Variants in SPAG16 observed in about 807,000 individuals in gnomAD.
The protein encoded by SPAG16 is sperm associated antigen 16.
SPAG16 carries 86 observed loss-of-function variants against 80.4 expected under a neutral mutation model. The observed-to-expected ratio is 1.07, with a 90% CI of 0.90 to 1.28. The LOEUF (loss-of-function observed/expected upper bound fraction) is 1.28, where lower values mean the gene tolerates loss of function less well. Ranked by LOEUF, SPAG16 falls within the 50% of genes most tolerant of loss-of-function variation. SPAG16 has a pLI of 0.00. For missense variants in SPAG16, 870 were observed against 765.3 expected, an observed-to-expected ratio of 1.14 and a Z score of -1.61; for synonymous variants, 294 against 265.9, an observed-to-expected ratio of 1.11 and a Z score of -1.03.
chr2:213,855,047 C>A lies in SPAG16; in HGVS notation c.1071-7438C>A, dbSNP rs766745680. On this transcript the variant is annotated intron_variant, in intron 10 of 15. Transcript: ENST00000331683. ...GTCCTTTTCAGAAAACGTTTGCCAA[C>A]CTCTGCTTTAGACCATGAGTGTTTC... Among the ~76,000 whole-genome samples, 20 of 152,324 alleles carry A rather than the reference C, an allele frequency of 1.3e-4. 1 individual carries two copies. Among genetic ancestry groups the A allele is most frequent in the Non-Finnish European group, 2.2e-4 (15 of 68,030 alleles).
chr2:214,073,392 C>T (rs993154047), intron 13 of SPAG16, among the ~76,000 whole-genome samples: 12 of 151,940 alleles, frequency 7.9e-5, no homozygotes, highest in Non-Finnish European at 1.2e-4. Flanking sequence ...CGCCCACCAC[C>T]ATGCCAGCTA....
chr2:213,288,929 A>G (rs963269255), intron 1 of SPAG16, among the ~76,000 whole-genome samples: 1 of 152,216 alleles, frequency 6.6e-6, no homozygotes, highest in Non-Finnish European at 1.5e-5. Flanking sequence ...AGGATACACA[A>G]CCTGCATATA....
At chr2:213,865,996 C>G (rs2075666063) in intron 11 of SPAG16, among the ~76,000 whole-genome samples, 1 of 150,262 alleles carries the variant, frequency 6.7e-6, no homozygotes, top group Admixed American at 6.6e-5. Context: ...AGTAAACATT[C>G]TCAATGCTAA....
At chr2:213,753,044 G>A (rs973364414) in intron 10 of SPAG16, among the ~76,000 whole-genome samples, 8 of 151,866 alleles carry the variant, frequency 5.3e-5, no homozygotes, top group Admixed American at 3.3e-4. Context: ...ACGGAGTCTC[G>A]CTCTGTCACC....
chr2:213,658,957 A>T (rs2063322461), intron 10 of SPAG16, among the ~76,000 whole-genome samples: 1 of 152,130 alleles, frequency 6.6e-6, no homozygotes, highest in East Asian at 1.9e-4. Context: ...AATTGCTTGC[A>T]CCCGGGAGGC....
chr2:213,547,535 GAAC>G (rs1450864317), intron 10 of SPAG16, among the ~76,000 whole-genome samples: 2 of 152,162 alleles, frequency 1.3e-5, no homozygotes, highest in East Asian at 3.9e-4. Context: ...ATTTTTTAAA[GAAC>G]AGTGTAATTG....
intron 13 of SPAG16, among the ~76,000 whole-genome samples, chr2:214,078,723 ATCACTTC>A (rs1436236987): frequency 6.6e-6 from 1 of 152,134 alleles, no homozygotes; most frequent in Non-Finnish European, 1.5e-5. Flanking sequence ...ATTATAATTG[ATCACTTC>A]TGAAGAGTGA....
At chr2:213,445,493 C>G (rs1043147597) in intron 9 of SPAG16, among the ~76,000 whole-genome samples, 2 of 152,114 alleles carry the variant, frequency 1.3e-5, no homozygotes, top group Non-Finnish European at 2.9e-5. Context: ...GAAACTCTCT[C>G]TACTAAAAAT....
intron 13 of SPAG16, among the ~76,000 whole-genome samples, chr2:214,026,720 G>A (rs1391537148): frequency 1.3e-5 from 2 of 151,396 alleles, no homozygotes; most frequent in Admixed American, 6.6e-5. Context: ...TAGCCTACCG[G>A]TTATTAATCT....
rs576910118 is a variant in SPAG16 at position 213,450,726 on chromosome 2, A to T, written c.943-39237A>T. The stretch of plus-strand genomic sequence containing the variant: ...TAGAGTTTATGTGCACAAAACTATT[A>T]TATATTTGTTCACATTAAATACAAT... On this transcript the variant is annotated intron_variant, in intron 9 of 15. Coordinates refer to ENST00000331683, the MANE Select transcript of SPAG16 (RefSeq NM_024532.5). Among the ~76,000 whole-genome samples the T allele has an allele frequency of 5.3e-4, 81 of 152,324 alleles. 1 individual carries two copies. Among genetic ancestry groups the T allele is most frequent in the African/African-American group, 1.8e-3 (74 of 41,584 alleles).
chr2:213,288,629 A>G (rs1575079604), intron 1 of SPAG16, among the ~76,000 whole-genome samples: 1 of 150,404 alleles, frequency 6.6e-6, no homozygotes. Context: ...TTTTAAATTT[A>G]CTGTATGGTT....
chr2:213,564,405 G>T (rs2059694273), intron 10 of SPAG16, among the ~76,000 whole-genome samples: 2 of 150,856 alleles, frequency 1.3e-5, no homozygotes, highest in African/African-American at 4.9e-5. Flanking sequence ...TGAGGCAGGA[G>T]AATCACTTGA....
chr2:213,809,497 T>C, intron 10 of SPAG16, among the ~76,000 whole-genome samples: 1 of 152,098 alleles, frequency 6.6e-6, no homozygotes, highest in South Asian at 2.1e-4. Context: ...AGGTACTACA[T>C]CCAATACTAG....
intron 9 of SPAG16, among the ~76,000 whole-genome samples, chr2:213,405,524 TTATCACAA>T: frequency 6.6e-6 from 1 of 152,194 alleles, no homozygotes; most frequent in Non-Finnish European, 1.5e-5. Context: ...ATACAATAAA[TTATCACAA>T]ACTATAGTTG....
chr2:213,446,765 G>T (rs976658048), intron 9 of SPAG16, among the ~76,000 whole-genome samples: 1 of 152,152 alleles, frequency 6.6e-6, no homozygotes, highest in African/African-American at 2.4e-5. Flanking sequence ...ACAGATGACT[G>T]TTGCCCCGCT....
At chr2:214,190,974 G>A (rs1034622185) in intron 15 of SPAG16, among the ~76,000 whole-genome samples, 4 of 152,126 alleles carry the variant, frequency 2.6e-5, no homozygotes, top group East Asian at 1.9e-4. Context: ...TGTAGCGACA[G>A]GTTTAGATTA....
chr2:214,061,106 T>A (rs2050235648), intron 13 of SPAG16, among the ~76,000 whole-genome samples: 1 of 152,158 alleles, frequency 6.6e-6, no homozygotes, highest in Admixed American at 6.5e-5. Flanking sequence ...GAGAGGTAAG[T>A]CCTTCATAGA....
intron 3 of SPAG16, among the ~76,000 whole-genome samples, chr2:213,308,872 A>C (rs1399197602): frequency 1.3e-5 from 2 of 152,122 alleles, no homozygotes; most frequent in Non-Finnish European, 2.9e-5. Context: ...CGTTCCTCTC[A>C]AGCCTTAACA....
At chr2:213,886,869 C>A (rs1374414865) in intron 11 of SPAG16, among the ~76,000 whole-genome samples, 1 of 152,004 alleles carries the variant, frequency 6.6e-6, no homozygotes, top group Non-Finnish European at 1.5e-5. Flanking sequence ...ACAATGGACA[C>A]TATGCTGGTA....
Sources: allele counts gnomAD v4.1 joint callset (sites outside exome capture counted in the v4.1 genomes callset), GRCh38; gene constraint gnomAD v4.1.1; transcripts MANE v1.5; gene names NCBI Gene and HGNC (gene_info 2026-07-23, HGNC 2026-07-21).